Variants in B3GALT5 observed in about 807,000 individuals in gnomAD.
B3GALT5 encodes the protein beta-1,3-galactosyltransferase 5.
For missense variants in B3GALT5, 328 were observed against 396.6 expected, an observed-to-expected ratio of 0.83 and a Z score of 1.47; for synonymous variants, 156 against 158.6, an observed-to-expected ratio of 0.98 and a Z score of 0.12.
chr21:39,656,694 T>C (rs2079448305), intron 2 of B3GALT5, among the ~76,000 whole-genome samples: 1 of 152,210 alleles, frequency 6.6e-6, no homozygotes, highest in African/African-American at 2.4e-5. Context: ...TTCCTTTGTC[T>C]CTGTGCCCTG....
intron 1 of B3GALT5, among the ~76,000 whole-genome samples, chr21:39,644,416 A>G (rs1315403664): frequency 6.6e-6 from 1 of 152,214 alleles, no homozygotes; most frequent in African/African-American, 2.4e-5. Flanking sequence ...CATTTTATTT[A>G]GGAACCCAAA....
intron 1 of B3GALT5, among the ~76,000 whole-genome samples, chr21:39,639,400 T>TCTC (rs2079265420): frequency 3.5e-5 from 2 of 57,156 alleles, no homozygotes; most frequent in African/African-American, 1.5e-4. Flanking sequence ...CCTTCTTTCT[T>TCTC]TTTCTTTCTT....
chr21:39,639,671 G>A (rs544417913), intron 1 of B3GALT5, among the ~76,000 whole-genome samples: 121 of 151,646 alleles, frequency 8.0e-4, no homozygotes, highest in African/African-American at 2.6e-3. Context: ...GTAGAGATGG[G>A]GTTTCACCAT....
At chr21:39,641,150 G>T (rs1321899795) in intron 1 of B3GALT5, among the ~76,000 whole-genome samples, 1 of 152,178 alleles carries the variant, frequency 6.6e-6, no homozygotes, top group African/African-American at 2.4e-5. Context: ...AAAGTAGTTT[G>T]CCATTTGTAA....
intron 1 of B3GALT5, among the ~76,000 whole-genome samples, chr21:39,631,859 G>A (rs1256100449): frequency 6.6e-6 from 1 of 152,178 alleles, no homozygotes; most frequent in African/African-American, 2.4e-5. Context: ...TAGGGGAGAT[G>A]TCAGGGAAAT....
At chr21:39,617,309 C>A (rs897920824) in intron 1 of B3GALT5, among the ~76,000 whole-genome samples, 1 of 152,160 alleles carries the variant, frequency 6.6e-6, no homozygotes, top group Non-Finnish European at 1.5e-5. Context: ...TGTATTACTC[C>A]ATTTTCACAC....
intron 1 of B3GALT5, among the ~76,000 whole-genome samples, chr21:39,620,808 C>T (rs1033395053): frequency 3.3e-5 from 5 of 152,086 alleles, no homozygotes; most frequent in African/African-American, 9.7e-5. Context: ...GTTAAGACCC[C>T]GAGATTTTGG....
chr21:39,626,702 G>C (rs1316109211), intron 1 of B3GALT5, among the ~76,000 whole-genome samples: 1 of 152,050 alleles, frequency 6.6e-6, no homozygotes, highest in African/African-American at 2.4e-5. Context: ...GTGATGTTGA[G>C]CATCTTTTCA....
chr21:39,651,179 T>G (rs914256054), intron 2 of B3GALT5, among the ~76,000 whole-genome samples: 1 of 152,214 alleles, frequency 6.6e-6, no homozygotes, highest in Non-Finnish European at 1.5e-5. Context: ...CAGGAACCTC[T>G]AACTGAAATT....
intron 1 of B3GALT5, among the ~76,000 whole-genome samples, chr21:39,635,210 C>T (rs902305941): frequency 5.3e-5 from 8 of 152,034 alleles, no homozygotes; most frequent in African/African-American, 1.9e-4. Flanking sequence ...ATTTTGGGGT[C>T]ATCTTTTGTT....
chr21:39,647,559 C>T (rs1193589568), intron 2 of B3GALT5, among the ~76,000 whole-genome samples: 1 of 123,662 alleles, frequency 8.1e-6, no homozygotes, highest in African/African-American at 3.1e-5. Context: ...CGCTGGTCCA[C>T]GCTGGTCTTT....
chr21:39,626,133 A>G (rs768899460), intron 1 of B3GALT5, among the ~76,000 whole-genome samples: 1 of 151,854 alleles, frequency 6.6e-6, no homozygotes, highest in Non-Finnish European at 1.5e-5. Flanking sequence ...TCCTGTTTCT[A>G]TGGATTTTGC....
At chr21:39,658,089 C>A (rs1383546629) in intron 2 of B3GALT5, among the ~76,000 whole-genome samples, 1 of 152,174 alleles carries the variant, frequency 6.6e-6, no homozygotes, top group Non-Finnish European at 1.5e-5. Context: ...AGGCTGGCCC[C>A]CAGGTCCTCT....
intron 1 of B3GALT5, among the ~76,000 whole-genome samples, chr21:39,634,810 C>G (rs2079215542): frequency 6.6e-6 from 1 of 152,144 alleles, no homozygotes; most frequent in South Asian, 2.1e-4. Flanking sequence ...CACGTTTGCT[C>G]TATGTCTATC....
At chr21:39,659,732 C>T in intron 2 of B3GALT5, 21 bp from the exon 3 acceptor site, 1 of 979,968 alleles carries the variant, frequency 1.0e-6, no homozygotes, top group Non-Finnish European at 1.2e-6. Flanking sequence ...TTGAATGACA[C>T]TCTTTTTTTT....
chr21:39,630,513 A>G (rs954418735), intron 1 of B3GALT5: 2 of 150,356 alleles, frequency 1.3e-5, no homozygotes, highest in Non-Finnish European at 2.9e-5. Context: ...TCTCTTTCAC[A>G]TATTGCCGGC....
chr21:39,653,983 T>C (rs1258455775), intron 2 of B3GALT5, among the ~76,000 whole-genome samples: 1 of 152,238 alleles, frequency 6.6e-6, no homozygotes, highest in African/African-American at 2.4e-5. Flanking sequence ...TGTTTGGATC[T>C]AGATTGATAC....
intron 1 of B3GALT5, among the ~76,000 whole-genome samples, chr21:39,627,215 T>G (rs1262436531): frequency 6.6e-6 from 1 of 152,202 alleles, no homozygotes; most frequent in Non-Finnish European, 1.5e-5. Context: ...CTGGTGACTA[T>G]CCTTTGTTCT....
At chr21:39,619,720 G>T (rs930119027) in intron 1 of B3GALT5, among the ~76,000 whole-genome samples, 1 of 152,186 alleles carries the variant, frequency 6.6e-6, no homozygotes, top group African/African-American at 2.4e-5. Context: ...AACACCACAA[G>T]TTTTAATTGC....
Sources: gnomAD v4.1 joint callset for allele counts (sites outside exome capture counted in the v4.1 genomes callset) on GRCh38, gnomAD v4.1.1 for gene constraint, MANE v1.5 for transcripts, NCBI Gene and HGNC (gene_info 2026-07-23, HGNC 2026-07-21) for gene names.